The following CHD7 variants were observed in gnomAD, a reference collection of about 807,000 sequenced individuals.
CHD7 encodes the protein chromodomain helicase DNA binding protein 7.
CHD7 carries 24 observed loss-of-function variants against 307.3 expected under a neutral mutation model. The ratio of observed to expected loss-of-function variants is 0.08; its 90% CI spans 0.06 to 0.11. CHD7 has a LOEUF of 0.11. Among genes scored for constraint, CHD7 ranks in the 10% least tolerant of loss-of-function variants. The pLI, the probability that CHD7 is intolerant of heterozygous loss-of-function variation, is 1.00. For synonymous variants in CHD7, 1,363 were observed against 1,349.9 expected (o/e 1.01, Z -0.21); for missense variants, 3,106 against 3,727.1 (o/e 0.83, Z 4.34).
intron 3 of CHD7, among the ~76,000 whole-genome samples, chr8:60,788,546 C>T (rs1312709050): frequency 6.6e-6 from 1 of 152,220 alleles, no homozygotes; most frequent in African/African-American, 2.4e-5. Context: ...TCCTTTCCTG[C>T]TAACAGGTCT....
intron 1 of CHD7, among the ~76,000 whole-genome samples, chr8:60,729,140 A>G (rs1808317189): frequency 6.6e-6 from 1 of 152,248 alleles, no homozygotes; most frequent in Non-Finnish European, 1.5e-5. Flanking sequence ...ACAAAGTGGT[A>G]TTTAAGAACT....
Position 60,852,833 on chromosome 8 carries a change from G to T in CHD7, c.6108G>T (p.Pro2036=). 6.2e-7 allele frequency: 1 copy of T among 1,611,592 alleles called. No homozygotes were observed. Among genetic ancestry groups the T allele is most frequent in the Non-Finnish European group, 8.5e-7 (1 of 1,178,140 alleles). ...ATGAGCCCTTCTGTGTTACAGAACCGCCCGACCTCTCCTCCATAATTGAGC... is the reference window on the plus strand; with the variant it reads ...ATGAGCCCTTCTGTGTTACAGAACCTCCCGACCTCTCCTCCATAATTGAGC... ...CRMPVKPDDE[P]PDLSSIIEPI... The change falls in exon 31 of 38, where the codon CCG becomes CCT. Residue 2036 remains proline (P), a synonymous_variant. Coordinates refer to ENST00000423902, the MANE Select transcript of CHD7 (RefSeq NM_017780.4).
chr8:60,687,580 G>T (rs900502), intron 1 of CHD7, among the ~76,000 whole-genome samples: 124,733 of 152,120 alleles, frequency 0.82, 51,450 homozygotes, highest in East Asian at 0.94. Context: ...ACCCCACCCT[G>T]AAGTATATGT....
At chr8:60,795,235 A>T in intron 4 of CHD7, 108 bp downstream of exon 4, 2 of 1,073,634 alleles carry the variant, frequency 1.9e-6, no homozygotes, top group East Asian at 4.8e-5. Context: ...GATGCTCTTG[A>T]GATGTCTTTA....
rs1694045574 is a variant in CHD7 at position 60,781,041 on chromosome 8, T to A, written c.1707T>A (p.Asp569Glu). 4 of 1,597,936 alleles carry A rather than the reference T, an allele frequency of 2.5e-6. No homozygotes were observed. Among genetic ancestry groups the A allele is most frequent in the Non-Finnish European group, 3.4e-6 (4 of 1,173,978 alleles). ...CCTTTCTAGAGAAACCAGTGCCGGA[T>A]ATGACTCAGGTTAGTGGACCGAATG... ...SEPFLEKPVP[D>E]MTQVSGPNAQ... The change falls in exon 3 of 38, where the codon GAT becomes GAA. Residue 569 changes from aspartate (D) to glutamate (E), a missense_variant. Asp to Glu is a conservative substitution (Grantham distance 45). Transcript: ENST00000423902.
At chr8:60,752,185 C>CA (rs1172889452) in intron 2 of CHD7, among the ~76,000 whole-genome samples, 4 of 151,884 alleles carry the variant, frequency 2.6e-5, no homozygotes, top group African/African-American at 9.7e-5. Context: ...TGTGTGAAAG[C>CA]AAAAAAACAA....
intron 15 of CHD7, among the ~76,000 whole-genome samples, chr8:60,833,296 G>A (rs1218161549): frequency 6.6e-6 from 1 of 152,174 alleles, no homozygotes; most frequent in African/African-American, 2.4e-5. Flanking sequence ...ATTAGCTCAA[G>A]CTTTATTTCA....
At position 60,850,831 on chromosome 8, in the gene CHD7, A is replaced by G. The variant is rs1805419565; in HGVS notation, c.5535-201A>G. ...TCTGAAACTTGTTTTTCTTTTCCAA[A>G]TGTCATTTCCCGCAATCTCCCCAGA... is the stretch of plus-strand genomic sequence containing the variant. On this transcript the variant is annotated intron_variant, in intron 26 of 37. Transcript: ENST00000423902. 9.8e-6 allele frequency: 7 copies of G among 716,672 alleles called. No homozygotes were observed. In the South Asian group the frequency reaches 1.4e-4, roughly 14 times the overall value. 44.4% of individuals were successfully genotyped at this position (716,672 alleles called of 1,614,324 possible).
chr8:60,841,618 G>A (rs769085744), intron 19 of CHD7, 26 bp from the exon 20 acceptor site: 4 of 1,564,898 alleles, frequency 2.6e-6, no homozygotes, highest in Admixed American at 1.7e-5. Flanking sequence ...GCCTCTCAAA[G>A]TAATGCGTTT....
intron 4 of CHD7, 41 bp downstream of exon 4, chr8:60,795,168 C>T (rs1342842773): frequency 1.3e-6 from 2 of 1,594,890 alleles, no homozygotes; most frequent in Admixed American, 1.7e-5. Context: ...GGTTATTTGG[C>T]ATGGGTAACT....
intron 1 of CHD7, among the ~76,000 whole-genome samples, chr8:60,688,895 C>G (rs1001811838): frequency 6.6e-6 from 1 of 152,158 alleles, no homozygotes; most frequent in Non-Finnish European, 1.5e-5. Flanking sequence ...ATCTCAGAAG[C>G]TTTGATTCCT....
chr8:60,864,650 T>C (rs1806159668), intron 37 of CHD7: 1 of 231,526 alleles, frequency 4.3e-6, no homozygotes, highest in South Asian at 6.9e-5. Context: ...CAGTAAATTA[T>C]TGTTGACTGT....
intron 4 of CHD7, among the ~76,000 whole-genome samples, chr8:60,796,992 G>A (rs954349512): frequency 4.6e-5 from 7 of 152,132 alleles, no homozygotes; most frequent in African/African-American, 1.7e-4. Context: ...TGTTATACCT[G>A]TTTTAAGTAT....
At chr8:60,780,864 T>C (rs1225130610) in intron 2 of CHD7, 136 bp from the exon 3 acceptor site, 4 of 1,145,318 alleles carry the variant, frequency 3.5e-6, no homozygotes, top group Admixed American at 7.2e-5. Context: ...TGATAGATTC[T>C]ACAACTGTAT....
chr8:60,817,523 GTTC>G (rs1235838970), intron 8 of CHD7, among the ~76,000 whole-genome samples: 1 of 152,154 alleles, frequency 6.6e-6, no homozygotes, highest in Non-Finnish European at 1.5e-5. Context: ...TCATGTGGTT[GTTC>G]TTTTACTGGA....
In CHD7 at chr8:60,821,921, G is replaced by A. The variant is rs374877439; in HGVS notation, c.2829G>A (p.Glu943=). The stretch of plus-strand genomic sequence containing the variant: ...TAATGTCCAGGGAGCCGGAAACAGA[G>A]CGTGTGGTAAGAATTGGCTGATGGT... ...EKLMSREPET[E]RVERPPADDW... is the part of the protein sequence containing the mutation. The change falls in exon 10 of 38, where the codon GAG becomes GAA. Residue 943 remains glutamate, a synonymous_variant. Coordinates refer to ENST00000423902, the MANE Select transcript of CHD7 (RefSeq NM_017780.4). 144 of 1,613,248 alleles carry A rather than the reference G, an allele frequency of 8.9e-5. No individual in the cohort carries two copies. The African/African-American group carries it at 1.7e-3, about 19-fold the overall frequency.
intron 3 of CHD7, among the ~76,000 whole-genome samples, chr8:60,793,226 G>T (rs1354813014): frequency 1.3e-5 from 2 of 152,130 alleles, no homozygotes; most frequent in Admixed American, 6.5e-5. Flanking sequence ...AGGACAGTTG[G>T]ATGAGGAACG....
chr8:60,844,921 G>A lies in CHD7; in HGVS notation c.4908G>A (p.Glu1636=), dbSNP rs754082843. ...GACGCTATAAACGCCAACTCACTGAGCAAGATGTAGAAACCATCTGCAGAA... is the reference window on the plus strand; with the variant it reads ...GACGCTATAAACGCCAACTCACTGAACAAGATGTAGAAACCATCTGCAGAA... ...SHGRYKRQLT[E]QDVETICRTI... is the part of the protein sequence containing the mutation. Residue 1636 remains glutamate (E), a synonymous_variant, in exon 22 of 38, where the codon GAG becomes GAA. Coordinates refer to ENST00000423902, the MANE Select transcript of CHD7 (RefSeq NM_017780.4). 6.2e-7 allele frequency: 1 copy of A among 1,613,368 alleles called. No homozygotes were observed. Among genetic ancestry groups the A allele is most frequent in the African/African-American group, 1.3e-5 (1 of 74,912 alleles).
At chr8:60,708,054 G>A (rs4738817) in intron 1 of CHD7, among the ~76,000 whole-genome samples, 56,063 of 152,086 alleles carry the variant, frequency 0.37, 12,700 homozygotes, top group South Asian at 0.52. Flanking sequence ...CAGAGAGAGC[G>A]GTGATAAAGG....
Sources: gnomAD v4.1 joint callset for allele counts (sites outside exome capture counted in the v4.1 genomes callset) on GRCh38, gnomAD v4.1.1 for gene constraint, MANE v1.5 for transcripts, NCBI Gene and HGNC (gene_info 2026-07-23, HGNC 2026-07-21) for gene names.